SPIDR: variants seen among roughly 807,000 people sequenced by gnomAD.
The protein encoded by SPIDR is scaffold protein involved in DNA repair, also known as DNA repair-scaffolding protein.
In SPIDR, 93 loss-of-function variants were observed where a neutral mutation model predicts 104.6. The ratio of observed to expected loss-of-function variants is 0.89; its 90% CI spans 0.75 to 1.06. The LOEUF (loss-of-function observed/expected upper bound fraction) is 1.06. SPIDR is among the 50% of genes least tolerant of loss of function. The probability of loss-of-function intolerance (pLI) is 0.00; values close to 1 mark genes in which losing one functional copy is unlikely to be tolerated. For synonymous variants in SPIDR, 431 were observed against 416.9 expected, an observed-to-expected ratio of 1.03 and a Z score of -0.41; for missense variants, 1,154 against 1,111.2, an observed-to-expected ratio of 1.04 and a Z score of -0.55.
At chr8:47,657,602 G>A (rs547946003) in intron 10 of SPIDR, among the ~76,000 whole-genome samples, 1 of 152,180 alleles carries the variant, frequency 6.6e-6, no homozygotes, top group East Asian at 1.9e-4. Context: ...CCTAGTTGTG[G>A]TATTGTACTA....
At chr8:47,488,453 A>C (rs2078078873) in intron 8 of SPIDR, among the ~76,000 whole-genome samples, 1 of 152,216 alleles carries the variant, frequency 6.6e-6, no homozygotes, top group African/African-American at 2.4e-5. Context: ...TTCCTTCTGA[A>C]ACTATTCCAA....
chr8:47,590,477 T>G (rs1308692366), intron 8 of SPIDR, among the ~76,000 whole-genome samples: 1 of 152,226 alleles, frequency 6.6e-6, no homozygotes, highest in Non-Finnish European at 1.5e-5. Flanking sequence ...TTTGGAGAAT[T>G]TCATGTTATC....
intron 8 of SPIDR, among the ~76,000 whole-genome samples, chr8:47,499,614 G>A (rs1046828990): frequency 6.6e-6 from 1 of 151,370 alleles, no homozygotes; most frequent in African/African-American, 2.4e-5. Context: ...GCCATCTGTG[G>A]AAAATTTTTC....
Position 47,489,079 on chromosome 8 carries a change from A to C in SPIDR, c.1097+48537A>C, listed in dbSNP as rs544876332. Among the ~76,000 whole-genome samples the C allele has an allele frequency of 2.8e-3, 420 of 152,334 alleles. 1 individual carries two copies. The highest frequency in any genetic ancestry group is 9.9e-3 in the African/African-American group (410 of 41,574). On this transcript the variant is annotated intron_variant, in intron 8 of 19. Transcript: ENST00000297423. ...GTCAAATTGTCCCTGTTTGCAGATGACATGATTGTATATTTAGAAAACCCC... is the reference window on the plus strand; with the variant it reads ...GTCAAATTGTCCCTGTTTGCAGATGCCATGATTGTATATTTAGAAAACCCC...
intron 10 of SPIDR, among the ~76,000 whole-genome samples, chr8:47,630,069 CAT>C (rs1296091441): frequency 2.6e-5 from 4 of 152,328 alleles, no homozygotes; most frequent in Admixed American, 2.6e-4. Context: ...GCTTCTGTCA[CAT>C]GAGGTAAAAT....
At chr8:47,611,532 A>G (rs1478376752) in intron 10 of SPIDR, among the ~76,000 whole-genome samples, 1 of 152,056 alleles carries the variant, frequency 6.6e-6, no homozygotes, top group Non-Finnish European at 1.5e-5. Flanking sequence ...CCCCGTCTCT[A>G]CTAAAAATAC....
intron 5 of SPIDR, among the ~76,000 whole-genome samples, chr8:47,308,357 C>G (rs2043486173): frequency 6.6e-6 from 1 of 151,110 alleles, no homozygotes; most frequent in South Asian, 2.1e-4. Context: ...GCTACCATGC[C>G]CGGCCTGCTG....
intron 8 of SPIDR, among the ~76,000 whole-genome samples, chr8:47,578,963 A>G (rs780605351): frequency 1.3e-5 from 2 of 152,238 alleles, no homozygotes; most frequent in Non-Finnish European, 2.9e-5. Flanking sequence ...GCTGAAAATA[A>G]AAGGAATATG....
chr8:47,316,794 T>G (rs1220384252), intron 5 of SPIDR, among the ~76,000 whole-genome samples: 1 of 152,322 alleles, frequency 6.6e-6, no homozygotes, highest in East Asian at 1.9e-4. Flanking sequence ...TATGTATATG[T>G]TAAAACTTAT....
intron 6 of SPIDR, among the ~76,000 whole-genome samples, chr8:47,401,907 C>G (rs1316365442): frequency 1.3e-5 from 2 of 152,158 alleles, no homozygotes; most frequent in Non-Finnish European, 2.9e-5. Context: ...ACCCCACTGT[C>G]AACATTAGAC....
chr8:47,676,094 T>C (rs2076413115), intron 11 of SPIDR, among the ~76,000 whole-genome samples: 1 of 152,234 alleles, frequency 6.6e-6, no homozygotes, highest in Non-Finnish European at 1.5e-5. Context: ...AATCTTTGTC[T>C]CTCTAAAGGT....
Position 47,396,394 on chromosome 8 carries a change from T to A in SPIDR, c.544T>A (p.Leu182Ile), listed in dbSNP as rs1322283108. The part of the protein sequence containing the change: ...ELPKPSSIEI[L>I]EYSSDSEKED... Reference sequence around the variant, plus strand: ...TTTTCAGCCAAGTTCTATAGAAATTTTAGAGTATTCATCAGATAGTGAAAA... The same window carrying A: ...TTTTCAGCCAAGTTCTATAGAAATTATAGAGTATTCATCAGATAGTGAAAA... Residue 182 changes from leucine to isoleucine, a missense_variant, in exon 6 of 20, where the codon TTA becomes ATA. Physicochemically the swap from Leu to Ile is conservative, Grantham distance 5. Coordinates refer to ENST00000297423, the MANE Select transcript of SPIDR (RefSeq NM_001080394.4). 1 of 1,606,912 alleles carries A rather than the reference T, an allele frequency of 6.2e-7. No individual in the cohort carries two copies. The highest frequency in any genetic ancestry group is 8.5e-7 in the Non-Finnish European group (1 of 1,174,646).
At chr8:47,731,870 C>A (rs2085301344) in intron 19 of SPIDR, among the ~76,000 whole-genome samples, 1 of 152,226 alleles carries the variant, frequency 6.6e-6, no homozygotes, top group Admixed American at 6.5e-5. Flanking sequence ...TCAGGGAACA[C>A]ATCTTGATGG....
intron 10 of SPIDR, among the ~76,000 whole-genome samples, chr8:47,665,167 A>G (rs1196123681): frequency 2.0e-5 from 3 of 152,216 alleles, no homozygotes; most frequent in Non-Finnish European, 2.9e-5. Flanking sequence ...ACCAGAGATA[A>G]AGAGAAAATC....
chr8:47,365,541 G>A (rs1306897329), intron 5 of SPIDR, among the ~76,000 whole-genome samples: 1 of 152,072 alleles, frequency 6.6e-6, no homozygotes, highest in Non-Finnish European at 1.5e-5. Context: ...TCCTCTCTAG[G>A]CGGACTTTCA....
At chr8:47,605,724 G>A (rs753038159) in intron 10 of SPIDR, among the ~76,000 whole-genome samples, 1 of 152,024 alleles carries the variant, frequency 6.6e-6, no homozygotes, top group Non-Finnish European at 1.5e-5. Context: ...GGACTGATTG[G>A]GATGATGTAT....
chr8:47,525,576 G>T (rs533568078), intron 8 of SPIDR, among the ~76,000 whole-genome samples: 1 of 143,816 alleles, frequency 7.0e-6, no homozygotes, highest in Non-Finnish European at 1.6e-5. Flanking sequence ...CAGGGTGGGC[G>T]GATCACCTGA....
intron 5 of SPIDR, among the ~76,000 whole-genome samples, chr8:47,353,320 T>C (rs2053917593): frequency 6.6e-6 from 1 of 152,190 alleles, no homozygotes; most frequent in African/African-American, 2.4e-5. Context: ...ATGACATAAC[T>C]TCACCGCCTC....
chr8:47,622,514 C>T (rs913598782), intron 10 of SPIDR, among the ~76,000 whole-genome samples: 7 of 152,148 alleles, frequency 4.6e-5, no homozygotes, highest in African/African-American at 1.7e-4. Context: ...TGCTCTGCCT[C>T]ACCTGCTGCA....
Sources: gnomAD v4.1 joint callset for allele counts (sites outside exome capture counted in the v4.1 genomes callset) on GRCh38, gnomAD v4.1.1 for gene constraint, MANE v1.5 for transcripts, NCBI Gene and HGNC (gene_info 2026-07-23, HGNC 2026-07-21) for gene names.